The following GNG12 variants were observed in gnomAD, a reference collection of about 807,000 sequenced individuals.
The protein encoded by GNG12 is guanine nucleotide-binding protein G(I)/G(S)/G(O) subunit gamma-12.
For missense variants in GNG12, 69 were observed against 83.8 expected (o/e 0.82, Z 0.69); for synonymous variants, 28 against 29.7 (o/e 0.94, Z 0.19).
At chr1:67,813,512 TTC>T in intron 1 of GNG12, among the ~76,000 whole-genome samples, 1 of 152,356 alleles carries the variant, frequency 6.6e-6, no homozygotes, top group African/African-American at 2.4e-5. Context: ...ACTGGAACAA[TTC>T]TGTCTCCAGC....
At chr1:67,818,412 GGTTTTT>G (rs1018740170) in intron 1 of GNG12, among the ~76,000 whole-genome samples, 11 of 112,606 alleles carry the variant, frequency 9.8e-5, no homozygotes, top group African/African-American at 4.3e-4. Context: ...AAAGACCAGG[GGTTTTT>G]TTTTTTTTTT....
At chr1:67,771,372 G>C (rs758620374) in intron 2 of GNG12, among the ~76,000 whole-genome samples, 2 of 152,230 alleles carry the variant, frequency 1.3e-5, no homozygotes, top group Admixed American at 1.3e-4. Context: ...AGAGAAGTTA[G>C]GCAACTTGCC....
intron 2 of GNG12, among the ~76,000 whole-genome samples, chr1:67,771,298 C>T (rs575022055): frequency 6.6e-6 from 1 of 152,320 alleles, no homozygotes; most frequent in East Asian, 1.9e-4. Context: ...ACAGACACTA[C>T]CTCATTCAGT....
intron 2 of GNG12, among the ~76,000 whole-genome samples, chr1:67,732,601 T>C (rs764546444): frequency 7.5e-4 from 115 of 152,358 alleles, no homozygotes; most frequent in Middle Eastern, 3.4e-3. Flanking sequence ...CAGCTAATAA[T>C]GTTCACACTG....
intron 1 of GNG12, among the ~76,000 whole-genome samples, chr1:67,800,223 CACATT>C (rs1646856828): frequency 6.6e-6 from 1 of 152,122 alleles, no homozygotes; most frequent in Admixed American, 6.5e-5. Context: ...CAAATGTTGA[CACATT>C]ACATTATACA....
intron 1 of GNG12, among the ~76,000 whole-genome samples, chr1:67,789,642 A>G (rs1384587083): frequency 6.6e-6 from 1 of 152,176 alleles, no homozygotes; most frequent in African/African-American, 2.4e-5. Context: ...ATCACAGCAG[A>G]CATATTCAGG....
chr1:67,743,180 G>C (rs1192101999), intron 2 of GNG12, among the ~76,000 whole-genome samples: 1 of 152,308 alleles, frequency 6.6e-6, no homozygotes, highest in East Asian at 1.9e-4. Context: ...GGGATCTGCA[G>C]CCTAGGAGAA....
chr1:67,779,881 A>G (rs1432343268), intron 1 of GNG12, among the ~76,000 whole-genome samples: 1 of 152,208 alleles, frequency 6.6e-6, no homozygotes, highest in Non-Finnish European at 1.5e-5. Context: ...TGTCTAGGCT[A>G]TAAACCTGGA....
At chr1:67,767,678 G>C (rs1479928618) in intron 2 of GNG12, among the ~76,000 whole-genome samples, 2 of 152,152 alleles carry the variant, frequency 1.3e-5, no homozygotes, top group East Asian at 3.8e-4. Flanking sequence ...TTCAGTCCTT[G>C]TAAAAATAAT....
rs144718212 is a variant in GNG12 at position 67,793,342 on chromosome 1, C to T, written c.-76-15835G>A. Among the ~76,000 whole-genome samples the T allele has an allele frequency of 5.9e-5, 9 of 152,206 alleles. No individual in the cohort carries two copies. In the East Asian group the frequency reaches 1.7e-3, roughly 29 times the overall value. ...TTTTACCTCTTTAATAAATAAAATG[C>T]AATAAATCATCTGCAAGTCTTGGTG... is the stretch of plus-strand genomic sequence containing the variant. On this transcript the variant is annotated intron_variant, in intron 1 of 3. Transcript: ENST00000370982.
intron 1 of GNG12, among the ~76,000 whole-genome samples, chr1:67,814,658 C>T (rs1646943659): frequency 6.6e-6 from 1 of 152,192 alleles, no homozygotes; most frequent in African/African-American, 2.4e-5. Context: ...CTTTACAATG[C>T]TTTATATGCT....
chr1:67,733,488 A>G (rs927181051), intron 2 of GNG12, among the ~76,000 whole-genome samples: 4 of 152,336 alleles, frequency 2.6e-5, no homozygotes, highest in Admixed American at 2.0e-4. Flanking sequence ...TCATATTTGC[A>G]TATGGTTCTG....
intron 2 of GNG12, among the ~76,000 whole-genome samples, chr1:67,707,996 T>C: frequency 6.6e-6 from 1 of 152,230 alleles, no homozygotes; most frequent in Non-Finnish European, 1.5e-5. Context: ...TTTTCTAGGA[T>C]TTCCTAAGAG....
At chr1:67,722,987 G>T (rs533979236) in intron 2 of GNG12, among the ~76,000 whole-genome samples, 25 of 152,252 alleles carry the variant, frequency 1.6e-4, no homozygotes, top group African/African-American at 6.0e-4. Context: ...TATCTCACAG[G>T]ACTGTAATGA....
At chr1:67,803,702 T>G (rs765523446) in intron 1 of GNG12, among the ~76,000 whole-genome samples, 1 of 152,192 alleles carries the variant, frequency 6.6e-6, no homozygotes, top group African/African-American at 2.4e-5. Context: ...AAAATGTAGA[T>G]AGCATATCCA....
In GNG12 at chr1:67,769,881, C is replaced by T. The variant is rs149360035; in HGVS notation, c.-27+7577G>A. On this transcript the variant is annotated intron_variant, in intron 2 of 3. Coordinates refer to ENST00000370982, the MANE Select transcript of GNG12 (RefSeq NM_018841.6). ...CTGAGATCCCATTAGAGAGAAAGAA[C>T]GTCACAGGAAGCTAGGTTTGGCTCA... Among the ~76,000 whole-genome samples, 433 of 152,262 alleles carry T rather than the reference C, an allele frequency of 2.8e-3. 3 individuals carry two copies. The highest frequency in any genetic ancestry group is 9.8e-3 in the African/African-American group (407 of 41,558).
chr1:67,766,106 G>GCACACACACACA lies in GNG12; in HGVS notation c.-27+11340_-27+11351dup, dbSNP rs59348663. On this transcript the variant is annotated intron_variant, in intron 2 of 3. Transcript: ENST00000370982. The stretch of plus-strand genomic sequence containing the variant: ...AACTCAAACAAAACAAGGCACACAC[G>GCACACACACACA]CACACACACACACACACACACACAC... Among the ~76,000 whole-genome samples, 952 of 139,914 alleles carry GCACACACACACA rather than the reference G, an allele frequency of 6.8e-3. 5 individuals carry two copies. The highest frequency in any genetic ancestry group is 0.026 in the Middle Eastern group (7 of 272). 91.8% of individuals were successfully genotyped at this position (139,914 alleles called of 152,430 possible). A position where few individuals can be genotyped will look rare whatever the true frequency, so the allele number is the denominator to read the frequency against.
chr1:67,709,973 G>T (rs1341686194), intron 2 of GNG12, among the ~76,000 whole-genome samples: 5 of 21,324 alleles, frequency 2.3e-4, no homozygotes, highest in Admixed American at 9.4e-4. Flanking sequence ...TATATATATA[G>T]TTATATATAT....
intron 2 of GNG12, among the ~76,000 whole-genome samples, chr1:67,724,652 AGTG>A (rs1646376245): frequency 5.3e-5 from 8 of 152,188 alleles, no homozygotes; most frequent in Admixed American, 5.2e-4. Flanking sequence ...GGCCTCCCAA[AGTG>A]CTGGGATTAC....
Sources: allele counts gnomAD v4.1 joint callset (sites outside exome capture counted in the v4.1 genomes callset), GRCh38; gene constraint gnomAD v4.1.1; transcripts MANE v1.5; gene names NCBI Gene and HGNC (gene_info 2026-07-23, HGNC 2026-07-21).